Variants in PEPD observed in about 807,000 individuals in gnomAD.
PEPD encodes the protein peptidase D.
PEPD carries 53 observed loss-of-function variants against 60.7 expected under a neutral mutation model. The observed-to-expected ratio is 0.87, with a 90% CI of 0.70 to 1.10. PEPD has a LOEUF of 1.10. PEPD is among the 50% of genes least tolerant of loss of function. The probability of loss-of-function intolerance (pLI) is 0.00; values close to 1 mark genes in which losing one functional copy is unlikely to be tolerated. For synonymous variants in PEPD, 267 were observed against 284.1 expected (o/e 0.94, Z 0.60); for missense variants, 711 against 711.9 (o/e 1.00, Z 0.01).
chr19:33,393,230 CCGGGG>C (rs1471531397), intron 12 of PEPD, among the ~76,000 whole-genome samples: 183 of 57,346 alleles, frequency 3.2e-3, no homozygotes, highest in African/African-American at 6.0e-3. Context: ...GGAGGCCGTC[CCGGGG>C]TCTGGGGTCT....
intron 1 of PEPD, among the ~76,000 whole-genome samples, chr19:33,516,162 A>G (rs1159658340): frequency 6.6e-6 from 1 of 152,164 alleles, no homozygotes; most frequent in Non-Finnish European, 1.5e-5. Flanking sequence ...TTTTATAGAG[A>G]CATGCCCTTT....
intron 12 of PEPD, chr19:33,395,949 C>G (rs1297211182): frequency 6.6e-6 from 1 of 152,370 alleles, no homozygotes; most frequent in Non-Finnish European, 1.5e-5. Context: ...AGAACCCCAT[C>G]TGCTGCCAGA....
chr19:33,439,493 C>T (rs973686808), intron 9 of PEPD, among the ~76,000 whole-genome samples: 1 of 152,226 alleles, frequency 6.6e-6, no homozygotes, highest in African/African-American at 2.4e-5. Context: ...CCAGGGCGGG[C>T]TGGCCTCTGG....
chr19:33,387,205 T>A lies in PEPD; in HGVS notation c.*139A>T. Reference sequence around the variant, plus strand: ...TTTCCTCCCCGGGAAACAGCACTGTTTGGTCTGATCAAATGCCGAAGCTGG... The same window carrying A: ...TTTCCTCCCCGGGAAACAGCACTGTATGGTCTGATCAAATGCCGAAGCTGG... On this transcript the variant is annotated 3_prime_UTR_variant, in exon 15 of 15. Coordinates refer to ENST00000244137, the MANE Select transcript of PEPD (RefSeq NM_000285.4). The A allele has an allele frequency of 1.0e-6, 1 of 982,452 alleles. No homozygotes were observed. The highest frequency in any genetic ancestry group is 1.6e-6 in the Non-Finnish European group (1 of 636,578). 60.9% of individuals were successfully genotyped at this position (982,452 alleles called of 1,614,324 possible). A position where few individuals can be genotyped will look rare whatever the true frequency, so the allele number is the denominator to read the frequency against.
Position 33,433,432 on chromosome 19 carries a change from A to T in PEPD, c.672-19789T>A, listed in dbSNP as rs116836145. Among the ~76,000 whole-genome samples, 660 of 152,314 alleles carry T rather than the reference A, an allele frequency of 4.3e-3. 2 individuals are homozygous for T. Among genetic ancestry groups the T allele is most frequent in the African/African-American group, 0.015 (632 of 41,564 alleles). On this transcript the variant is annotated intron_variant, in intron 9 of 14. Transcript: ENST00000244137. ...CTCTGTACCTCCAGGGGACTTAACT[A>T]ATTTATAAGGCAATTTTAATAATAA...
At chr19:33,415,079 A>G (rs4805034) in intron 9 of PEPD, among the ~76,000 whole-genome samples, 58,445 of 152,090 alleles carry the variant, frequency 0.38, 11,848 homozygotes, top group African/African-American at 0.49. Context: ...CCAGACAGGC[A>G]GCCTCAGAAG....
rs757173823 is a variant in PEPD, at chr19:33,492,043, CAAAAAAAA to C, written c.441+1239_441+1246del. Among the ~76,000 whole-genome samples the C allele has an allele frequency of 8.6e-5, 7 of 81,576 alleles. No individual in the cohort carries two copies. In the East Asian group the frequency reaches 3.6e-3, roughly 42 times the overall value. 53.5% of individuals were successfully genotyped at this position (81,576 alleles called of 152,430 possible). ...CTACTTTACTTTTTATATTCCATTTCAAAAAAAAAAAAAAAAAAAGACAAGAGGGAAGG... is the reference window on the plus strand; with the variant it reads ...CTACTTTACTTTTTATATTCCATTTCAAAAAAAAAAAGACAAGAGGGAAGG... On this transcript the variant is annotated intron_variant, in intron 5 of 14. Coordinates refer to ENST00000244137, the MANE Select transcript of PEPD (RefSeq NM_000285.4).
At chr19:33,515,209 G>A (rs1402558960) in intron 1 of PEPD, among the ~76,000 whole-genome samples, 7 of 152,198 alleles carry the variant, frequency 4.6e-5, no homozygotes, top group African/African-American at 7.2e-5. Context: ...GCTGTGGGAT[G>A]AGAAGATGCC....
intron 12 of PEPD, 49 bp downstream of exon 12, chr19:33,401,672 C>A: frequency 6.4e-7 from 1 of 1,561,964 alleles, no homozygotes; most frequent in Non-Finnish European, 8.7e-7. Flanking sequence ...CATAGCAGCG[C>A]CCCCAACGCC....
chr19:33,464,159 C>T (rs1969978600), intron 7 of PEPD, 97 bp from the exon 8 acceptor site: 2 of 855,792 alleles, frequency 2.3e-6, no homozygotes, highest in Non-Finnish European at 3.9e-6. Flanking sequence ...ACACCCTGCA[C>T]AGCCCAGAAG....
chr19:33,433,631 G>A (rs939469292), intron 9 of PEPD, among the ~76,000 whole-genome samples: 1 of 152,178 alleles, frequency 6.6e-6, no homozygotes, highest in African/African-American at 2.4e-5. Flanking sequence ...TTTTATAATT[G>A]CTTCTAATAG....
intron 9 of PEPD, among the ~76,000 whole-genome samples, chr19:33,426,954 G>A (rs1969164652): frequency 1.3e-5 from 2 of 152,222 alleles, no homozygotes; most frequent in Non-Finnish European, 2.9e-5. Context: ...TAGGTGGGCA[G>A]GGCCCCTCCA....
intron 9 of PEPD, among the ~76,000 whole-genome samples, chr19:33,449,266 A>G (rs1038592569): frequency 2.6e-5 from 4 of 152,200 alleles, no homozygotes; most frequent in African/African-American, 9.6e-5. Context: ...TGAACCTACA[A>G]GCAACCTAAA....
intron 9 of PEPD, among the ~76,000 whole-genome samples, chr19:33,436,937 T>A (rs1026347871): frequency 3.9e-5 from 6 of 152,106 alleles, no homozygotes; most frequent in Non-Finnish European, 5.9e-5. Context: ...TACAAGAGCG[T>A]TAAAGTCCGA....
chr19:33,484,450 GAC>G (rs1970362913), intron 6 of PEPD, among the ~76,000 whole-genome samples: 1 of 152,090 alleles, frequency 6.6e-6, no homozygotes, highest in Admixed American at 6.5e-5. Context: ...CACACACGCA[GAC>G]ACACAGAGAC....
intron 7 of PEPD, among the ~76,000 whole-genome samples, chr19:33,477,472 T>A (rs1970238216): frequency 6.6e-6 from 1 of 152,168 alleles, no homozygotes; most frequent in Non-Finnish European, 1.5e-5. Context: ...CAAAGAGCAA[T>A]GCGATGGCTT....
At chr19:33,496,452 C>T (rs1286932938) in intron 4 of PEPD, among the ~76,000 whole-genome samples, 13 of 152,110 alleles carry the variant, frequency 8.5e-5, no homozygotes, top group Admixed American at 4.6e-4. Flanking sequence ...GTTACTTCTG[C>T]GGCTGCAAAA....
At chr19:33,414,506 C>A (rs1968846421) in intron 9 of PEPD, among the ~76,000 whole-genome samples, 1 of 152,178 alleles carries the variant, frequency 6.6e-6, no homozygotes, top group African/African-American at 2.4e-5. Flanking sequence ...CTCACCCCCT[C>A]CCTGAGGCCT....
chr19:33,486,405 G>C (rs1970397751), intron 6 of PEPD, among the ~76,000 whole-genome samples: 1 of 151,912 alleles, frequency 6.6e-6, no homozygotes, highest in Admixed American at 6.6e-5. Flanking sequence ...CGGAACTGCT[G>C]CCTGGGCCGG....
Sources: gnomAD v4.1 joint callset for allele counts (sites outside exome capture counted in the v4.1 genomes callset) on GRCh38, gnomAD v4.1.1 for gene constraint, MANE v1.5 for transcripts, NCBI Gene and HGNC (gene_info 2026-07-23, HGNC 2026-07-21) for gene names.